DLGAP1: variants seen among roughly 807,000 people sequenced by gnomAD.
DLGAP1 encodes the protein DLG associated protein 1, also known as disks large-associated protein 1.
In DLGAP1, 11 loss-of-function variants were observed where a neutral mutation model predicts 90.8. The observed-to-expected ratio is 0.12, with a 90% confidence interval of 0.08 to 0.20. The LOEUF (loss-of-function observed/expected upper bound fraction) is 0.20. DLGAP1 is among the 10% of genes least tolerant of loss of function. DLGAP1 has a pLI of 1.00. For missense variants in DLGAP1, 1,050 were observed against 1,333.8 expected, an observed-to-expected ratio of 0.79 and a Z score of 3.31; for synonymous variants, 558 against 540.7, an observed-to-expected ratio of 1.03 and a Z score of -0.44.
chr18:3,965,309 T>G (rs2073299331), intron 3 of DLGAP1, among the ~76,000 whole-genome samples: 1 of 152,176 alleles, frequency 6.6e-6, no homozygotes. Flanking sequence ...TCTAATGTTT[T>G]GCAAAAAATA....
chr18:3,916,038 T>C (rs1368769125), intron 3 of DLGAP1, among the ~76,000 whole-genome samples: 1 of 152,212 alleles, frequency 6.6e-6, no homozygotes, highest in East Asian at 1.9e-4. Context: ...CACTGAATTA[T>C]GGTCACCCTT....
rs1393497381 is a variant in DLGAP1 at position 3,660,098 on chromosome 18, T to G, written c.1591+69037A>C. Among the ~76,000 whole-genome samples, 1 of 152,216 alleles carries G rather than the reference T, an allele frequency of 6.6e-6. No homozygotes were observed. The highest frequency in any genetic ancestry group is 1.9e-4 in the East Asian group (1 of 5,198). ...TATAACTTCCTCAGAGAGTCTTCCT[T>G]GATTACTATATTTAGAGCAGGCCAG... is the stretch of plus-strand genomic sequence containing the variant. On this transcript the variant is annotated intron_variant, in intron 7 of 12. Transcript: ENST00000315677. This position sits in a 1 kb window ranked among gnomAD's most constrained non-coding sequence, Gnocchi z 4.2.
chr18:4,108,267 A>AG (rs1454053117), intron 2 of DLGAP1, among the ~76,000 whole-genome samples: 1 of 152,190 alleles, frequency 6.6e-6, no homozygotes, highest in African/African-American at 2.4e-5. Flanking sequence ...CCAAACAGAC[A>AG]GGCCTTGTTC....
Position 3,526,671 on chromosome 18 carries a change from T to A in DLGAP1, c.2479+7523A>T, listed in dbSNP as rs1345619924. On this transcript the variant is annotated intron_variant, in intron 10 of 12. Transcript: ENST00000315677. This position sits in a 1 kb window ranked among gnomAD's most constrained non-coding sequence, Gnocchi z 4.7. ...AAGTACAATCACCGGTATTTCATCT[T>A]AGGGCCATTGAAACCTGAGCCTATG... is the stretch of plus-strand genomic sequence containing the variant. 2.0e-5 allele frequency among the ~76,000 whole-genome samples: 3 copies of A among 152,244 alleles called. No homozygotes were observed. The highest frequency in any genetic ancestry group is 4.4e-5 in the Non-Finnish European group (3 of 68,038).
intron 1 of DLGAP1, among the ~76,000 whole-genome samples, chr18:4,269,633 C>T (rs1053035017): frequency 6.6e-6 from 1 of 152,020 alleles, no homozygotes. Context: ...GCATTACAGG[C>T]GTGAGCCACC....
rs1020245871 is a variant in DLGAP1, at chr18:4,337,715, A to C, written c.-267+117291T>G. 6.6e-5 allele frequency among the ~76,000 whole-genome samples: 10 copies of C among 152,308 alleles called. No homozygotes were observed. The East Asian group carries it at 1.7e-3, about 27-fold the overall frequency. ...AAAAAAATACATAGATACATATATA[A>C]AGTCATAGTTTTCTCATAAACATCA... On this transcript the variant is annotated intron_variant, in intron 1 of 12. Coordinates refer to ENST00000315677, the MANE Select transcript of DLGAP1 (RefSeq NM_004746.4).
intron 3 of DLGAP1, among the ~76,000 whole-genome samples, chr18:3,919,216 C>G (rs948680536): frequency 1.3e-5 from 2 of 152,220 alleles, no homozygotes; most frequent in African/African-American, 4.8e-5. Flanking sequence ...GAAATTCACA[C>G]ACTTCGAATC....
intron 11 of DLGAP1, among the ~76,000 whole-genome samples, 170 bp from the exon 12 acceptor site, chr18:3,502,815 G>A (rs66586243): frequency 0.17 from 25,764 of 152,124 alleles, 2,430 homozygotes; most frequent in Non-Finnish European, 0.22. Context: ...ACACTCATCC[G>A]TTTGAGTCAG....
At chr18:3,905,177 C>T (rs573513011) in intron 3 of DLGAP1, among the ~76,000 whole-genome samples, 1 of 151,066 alleles carries the variant, frequency 6.6e-6, no homozygotes, top group African/African-American at 2.4e-5. Context: ...ACCTTCCTGG[C>T]TAACACAGTG....
At chr18:3,736,624 G>T (rs968110031) in intron 6 of DLGAP1, among the ~76,000 whole-genome samples, 4 of 152,274 alleles carry the variant, frequency 2.6e-5, no homozygotes, top group African/African-American at 9.6e-5. Flanking sequence ...AAAGTCTAGG[G>T]TATATACAGT....
intron 1 of DLGAP1, among the ~76,000 whole-genome samples, chr18:4,221,264 A>T (rs1414254358): frequency 6.6e-6 from 1 of 152,118 alleles, no homozygotes; most frequent in Admixed American, 6.6e-5. Context: ...TGCCTGTTAT[A>T]ATTAAACATT....
In DLGAP1 at chr18:3,583,143, G is replaced by T. The variant is rs1044799433; in HGVS notation, c.1592-895C>A. On this transcript the variant is annotated intron_variant, in intron 7 of 12. Coordinates refer to ENST00000315677, the MANE Select transcript of DLGAP1 (RefSeq NM_004746.4). ...TTTCTGTCTTTCTGCCTGACTGACC[G>T]ACCTACCTACCTACCTACCTACCTA... Among the ~76,000 whole-genome samples the T allele has an allele frequency of 2.1e-4, 24 of 113,722 alleles. No individual in the cohort carries two copies. In the East Asian group the frequency reaches 2.4e-3, roughly 11 times the overall value. 74.6% of individuals were successfully genotyped at this position (113,722 alleles called of 152,430 possible). A position where few individuals can be genotyped will look rare whatever the true frequency, so the allele number is the denominator to read the frequency against.
At chr18:3,648,278 T>A (rs554426404) in intron 7 of DLGAP1, among the ~76,000 whole-genome samples, 5 of 152,210 alleles carry the variant, frequency 3.3e-5, no homozygotes, top group African/African-American at 1.2e-4. Flanking sequence ...ACAAAACCCA[T>A]AACGTATGCT....
At chr18:3,804,768 T>C (rs1033278019) in intron 5 of DLGAP1, among the ~76,000 whole-genome samples, 2 of 152,238 alleles carry the variant, frequency 1.3e-5, no homozygotes, top group African/African-American at 2.4e-5. Flanking sequence ...TTAGCATTTG[T>C]TCAACATCCC....
chr18:3,904,984 T>TATC (rs1255488793), intron 3 of DLGAP1, among the ~76,000 whole-genome samples: 2 of 148,152 alleles, frequency 1.3e-5, no homozygotes, highest in Non-Finnish European at 2.9e-5. Flanking sequence ...TATTATTCAT[T>TATC]ATTATTATTA....
chr18:3,601,923 C>T lies in DLGAP1; in HGVS notation c.1592-19675G>A, dbSNP rs376884273. ...ACTCAGGAGGCTGAGGCAGGCGAAT[C>T]GCTTGAACCCGGGAAGCGGAGATTG... On this transcript the variant is annotated intron_variant, in intron 7 of 12. Coordinates refer to ENST00000315677, the MANE Select transcript of DLGAP1 (RefSeq NM_004746.4). Among the ~76,000 whole-genome samples, 6 of 151,328 alleles carry T rather than the reference C, an allele frequency of 4.0e-5. No homozygotes were observed. In the East Asian group the frequency reaches 9.7e-4, roughly 25 times the overall value.
chr18:3,998,157 C>G (rs193185182), intron 3 of DLGAP1, among the ~76,000 whole-genome samples: 3 of 152,192 alleles, frequency 2.0e-5, no homozygotes, highest in African/African-American at 7.2e-5. Flanking sequence ...TTTAAAATTC[C>G]TTCTTCATTT....
intron 4 of DLGAP1, among the ~76,000 whole-genome samples, chr18:3,866,070 G>A (rs2070363667): frequency 6.6e-6 from 1 of 152,138 alleles, no homozygotes; most frequent in South Asian, 2.1e-4. Flanking sequence ...CTGGAGAAAA[G>A]GTATGAAGGT....
chr18:4,219,565 G>A (rs763479065), intron 1 of DLGAP1, among the ~76,000 whole-genome samples: 54 of 151,852 alleles, frequency 3.6e-4, no homozygotes, highest in Non-Finnish European at 5.7e-4. Context: ...CCAATGTTAC[G>A]GAGATTTCCA....
Sources: allele counts gnomAD v4.1 joint callset (sites outside exome capture counted in the v4.1 genomes callset), GRCh38; gene constraint gnomAD v4.1.1; non-coding constraint Gnocchi (gnomAD v3.1); transcripts MANE v1.5; gene names NCBI Gene and HGNC (gene_info 2026-07-23, HGNC 2026-07-21).